The following NPHP4 variants were observed in gnomAD, a reference collection of about 807,000 sequenced individuals.
NPHP4 encodes nephrocystin-4.
Under a neutral mutation model 155.8 loss-of-function variants are expected in NPHP4, and 151 were observed. That is an observed-to-expected ratio of 0.97 (90% CI 0.85 to 1.11). The LOEUF is 1.11. Among genes scored for constraint, NPHP4 ranks in the 50% least tolerant of loss-of-function variants. The probability of loss-of-function intolerance (pLI) is 0.00; values close to 1 mark genes in which losing one functional copy is unlikely to be tolerated. For synonymous variants in NPHP4, 845 were observed against 816.8 expected (o/e 1.03, Z -0.59); for missense variants, 1,956 against 1,925.7 (o/e 1.02, Z -0.29).
At chr1:5,924,013 C>G (rs186836809) in intron 11 of NPHP4, among the ~76,000 whole-genome samples, 2 of 152,190 alleles carry the variant, frequency 1.3e-5, no homozygotes, top group Admixed American at 1.3e-4. Flanking sequence ...AGAGGAAACA[C>G]TGAACATGTT....
intron 6 of NPHP4, among the ~76,000 whole-genome samples, chr1:5,959,830 A>G (rs1649972706): frequency 6.6e-6 from 1 of 152,248 alleles, no homozygotes; most frequent in South Asian, 2.1e-4. Flanking sequence ...TCTCACAGCT[A>G]GTCCCAAGAT....
rs1181323762 is a variant in NPHP4, at chr1:5,889,529, G to A, written c.2304+1339C>T. Among the ~76,000 whole-genome samples, 1 of 152,034 alleles carries A rather than the reference G, an allele frequency of 6.6e-6. No homozygotes were observed. Among genetic ancestry groups the A allele is most frequent in the Non-Finnish European group, 1.5e-5 (1 of 67,988 alleles). On this transcript the variant is annotated intron_variant, in intron 17 of 29. Coordinates refer to ENST00000378156, the MANE Select transcript of NPHP4 (RefSeq NM_015102.5). The surrounding 1 kb of genome is among the most constrained non-coding windows in gnomAD (Gnocchi z 4.2). ...CTCCAGGTGGCACAGCAAAGAGGGG[G>A]CACAAGGCTCGGCTGGGCACGACAG...
At position 5,867,935 on chromosome 1, in the gene NPHP4, G is replaced by A. The variant is rs376560666; in HGVS notation, c.3316-39C>T. 45 of 1,611,558 alleles carry A rather than the reference G, an allele frequency of 2.8e-5. No homozygotes were observed. Among genetic ancestry groups the A allele is most frequent in the African/African-American group, 4.0e-5 (3 of 74,900 alleles). Reference sequence around the variant, plus strand: ...ACGCTGAGTGTTGGGATGGGCACGAGGCTTGTGAGCAGCTTCTTGTCCCTC... The same window carrying A: ...ACGCTGAGTGTTGGGATGGGCACGAAGCTTGTGAGCAGCTTCTTGTCCCTC... On this transcript the variant is annotated intron_variant, in intron 23 of 29. Transcript: ENST00000378156. The surrounding 1 kb of genome is among the most constrained non-coding windows in gnomAD (Gnocchi z 4.1).
chr1:5,907,343 G>A, intron 12 of NPHP4, 121 bp from the exon 13 acceptor site: 1 of 557,552 alleles, frequency 1.8e-6, no homozygotes, highest in Non-Finnish European at 3.1e-6. Context: ...ACGGAAGGGA[G>A]TGATGCCTGC....
chr1:5,887,346 T>C lies in NPHP4; in HGVS notation c.2425A>G (p.Lys809Glu), dbSNP rs371429952. 4.0e-5 allele frequency: 64 copies of C among 1,613,548 alleles called. No homozygotes were observed. The African/African-American group carries it at 8.0e-4, about 20-fold the overall frequency. ...ACCACCGAGTGGACGCCGATGGGCT[T>C]GACGCGGCCAAACCCCAGCATGTCT... Reference protein sequence around the residue: ...SGDMLGFGRVKPIGVHSVVKG... With the variant: ...SGDMLGFGRVEPIGVHSVVKG... Residue 809 changes from lysine to glutamate, a missense_variant, in exon 18 of 30, where the codon AAG (lysine) becomes GAG (glutamate). Lys to Glu is a moderately conservative substitution (Grantham distance 56, BLOSUM62 1). Transcript: ENST00000378156.
At chr1:5,971,054 G>A (rs1652471860) in intron 3 of NPHP4, among the ~76,000 whole-genome samples, 2 of 152,084 alleles carry the variant, frequency 1.3e-5, no homozygotes, top group East Asian at 3.9e-4. Flanking sequence ...TCAGTCTTAC[G>A]AACACTACTC....
intron 9 of NPHP4, among the ~76,000 whole-genome samples, chr1:5,942,130 G>T (rs1646849650): frequency 6.6e-6 from 1 of 152,134 alleles, no homozygotes; most frequent in Non-Finnish European, 1.5e-5. Flanking sequence ...GGGACCCAAG[G>T]ACTGCCCCTT....
At chr1:5,925,692 T>A (rs1267778567) in intron 11 of NPHP4, among the ~76,000 whole-genome samples, 1 of 152,182 alleles carries the variant, frequency 6.6e-6, no homozygotes. Flanking sequence ...CTCGGCTCAC[T>A]GCAAGCTCTG....
chr1:5,865,072 G>A (rs1641063316), intron 27 of NPHP4, 30 bp downstream of exon 27: 4 of 1,604,632 alleles, frequency 2.5e-6, no homozygotes, highest in Non-Finnish European at 3.4e-6. Context: ...GTTGGGGAGA[G>A]GCTCAGAACA....
Position 5,863,172 on chromosome 1 carries a change from G to T in NPHP4, c.*93C>A. 1 of 1,393,946 alleles carries T rather than the reference G, an allele frequency of 7.2e-7. No homozygotes were observed. Among genetic ancestry groups the T allele is most frequent in the Non-Finnish European group, 1.0e-6 (1 of 981,540 alleles). 86.3% of individuals were successfully genotyped at this position (1,393,946 alleles called of 1,614,324 possible). A position where few individuals can be genotyped will look rare whatever the true frequency, so the allele number is the denominator to read the frequency against. On this transcript the variant is annotated 3_prime_UTR_variant, in exon 30 of 30. Coordinates refer to ENST00000378156, the MANE Select transcript of NPHP4 (RefSeq NM_015102.5). ...AGCCAGGTGGGCACTGAAGTGAAAG[G>T]CTGCAGAGAGGCGGGGAGGACAGCC...
intron 3 of NPHP4, 142 bp from the exon 4 acceptor site, chr1:5,969,401 C>A: frequency 2.1e-6 from 1 of 466,802 alleles, no homozygotes; most frequent in Non-Finnish European, 3.8e-6. Context: ...TGTGGTGTAC[C>A]ACATCTCTGC....
At chr1:5,903,999 A>T (rs187154659) in intron 16 of NPHP4, among the ~76,000 whole-genome samples, 2 of 152,350 alleles carry the variant, frequency 1.3e-5, no homozygotes, top group East Asian at 3.8e-4. Flanking sequence ...CTAACTCCCA[A>T]TTTACAGCTA....
chr1:5,888,252 C>T (rs1409595777), intron 17 of NPHP4: 9 of 819,014 alleles, frequency 1.1e-5, no homozygotes, highest in African/African-American at 1.9e-5. Context: ...TCTGCCCGAA[C>T]GCCAACACTG....
At chr1:5,958,343 A>C (rs372487905) in intron 6 of NPHP4, among the ~76,000 whole-genome samples, 5 of 152,138 alleles carry the variant, frequency 3.3e-5, no homozygotes, top group African/African-American at 1.2e-4. Flanking sequence ...GCTGGAGCTC[A>C]GGAGTTTGAG....
intron 5 of NPHP4, among the ~76,000 whole-genome samples, chr1:5,962,648 T>C (rs1273769489): frequency 6.6e-6 from 1 of 152,080 alleles, no homozygotes; most frequent in Non-Finnish European, 1.5e-5. Context: ...ACCAAACACG[T>C]GGATACCCAT....
At chr1:5,935,704 A>T (rs1646502141) in intron 9 of NPHP4, among the ~76,000 whole-genome samples, 1 of 152,196 alleles carries the variant, frequency 6.6e-6, no homozygotes, top group Non-Finnish European at 1.5e-5. Flanking sequence ...GTGAAACCCC[A>T]TCTTTAGTAA....
At chr1:5,962,821 C>G (rs543250680) in intron 5 of NPHP4, among the ~76,000 whole-genome samples, 1 of 152,236 alleles carries the variant, frequency 6.6e-6, no homozygotes, top group Non-Finnish European at 1.5e-5. Context: ...GTAGAAGGAA[C>G]AGCATTCCCA....
At chr1:5,912,311 G>A (rs1250964612) in intron 11 of NPHP4, among the ~76,000 whole-genome samples, 1 of 152,150 alleles carries the variant, frequency 6.6e-6, no homozygotes, top group Non-Finnish European at 1.5e-5. Context: ...GGCCGAGGCG[G>A]GTGGATCACA....
At chr1:5,871,330 G>A (rs991711600) in intron 23 of NPHP4, among the ~76,000 whole-genome samples, 2 of 152,166 alleles carry the variant, frequency 1.3e-5, no homozygotes, top group Admixed American at 6.5e-5. Context: ...GTCTAAGAGC[G>A]GTGCCTCCAT....
Sources: allele counts gnomAD v4.1 joint callset (sites outside exome capture counted in the v4.1 genomes callset), GRCh38; gene constraint gnomAD v4.1.1; non-coding constraint Gnocchi (gnomAD v3.1); transcripts MANE v1.5; gene names NCBI Gene and HGNC (gene_info 2026-07-23, HGNC 2026-07-21).